PBX3: variants seen among roughly 807,000 people sequenced by gnomAD.
The protein encoded by PBX3 is PBX homeobox 3.
A neutral mutation model predicts 48.5 loss-of-function variants in PBX3; 14 were observed. The observed-to-expected ratio is 0.29, with a 90% CI of 0.19 to 0.45. The LOEUF is 0.45. PBX3 is among the 20% of genes least tolerant of loss of function. The probability of loss-of-function intolerance (pLI) is 1.00; values close to 1 mark genes in which losing one functional copy is unlikely to be tolerated. For synonymous variants in PBX3, 210 were observed against 200.3 expected (o/e 1.05, Z -0.41); for missense variants, 386 against 546.7 (o/e 0.71, Z 2.93).
At chr9:125,784,509 C>T (rs1191557986) in intron 2 of PBX3, among the ~76,000 whole-genome samples, 2 of 152,206 alleles carry the variant, frequency 1.3e-5, no homozygotes, top group Admixed American at 1.3e-4. Flanking sequence ...AGATTCTTCT[C>T]ATTCCTCAGA....
intron 2 of PBX3, among the ~76,000 whole-genome samples, chr9:125,813,682 G>A (rs1310330121): frequency 6.6e-6 from 1 of 152,086 alleles, no homozygotes; most frequent in Non-Finnish European, 1.5e-5. Context: ...ATGATAAGAT[G>A]TTCCCAGCTT....
intron 2 of PBX3, among the ~76,000 whole-genome samples, chr9:125,836,290 A>G (rs1465697793): frequency 6.6e-6 from 1 of 152,156 alleles, no homozygotes; most frequent in Non-Finnish European, 1.5e-5. Flanking sequence ...CTAAAAATAC[A>G]AAAAATTAGC....
intron 5 of PBX3, among the ~76,000 whole-genome samples, chr9:125,945,241 A>T (rs967721147): frequency 6.6e-6 from 1 of 151,914 alleles, no homozygotes; most frequent in Non-Finnish European, 1.5e-5. Flanking sequence ...AAAAAAAAAA[A>T]ATAGCATGTA....
chr9:125,753,316 A>G (rs1836425525), intron 2 of PBX3, among the ~76,000 whole-genome samples: 1 of 148,446 alleles, frequency 6.7e-6, no homozygotes. Context: ...TAGATTTGGT[A>G]TCTTACTGGA....
intron 2 of PBX3, 126 bp downstream of exon 2, chr9:125,748,749 C>A: frequency 1.5e-6 from 1 of 646,554 alleles, no homozygotes; most frequent in South Asian, 1.8e-5. Flanking sequence ...CTCTCCTTCC[C>A]ACGTCCTGAT....
intron 2 of PBX3, among the ~76,000 whole-genome samples, chr9:125,834,953 G>T (rs1360627937): frequency 8.8e-5 from 12 of 135,720 alleles, no homozygotes; most frequent in African/African-American, 2.5e-4. Flanking sequence ...GGAGGCAGAA[G>T]TTGCAGTGAG....
chr9:125,877,705 G>A (rs1840289014), intron 2 of PBX3, among the ~76,000 whole-genome samples: 2 of 152,062 alleles, frequency 1.3e-5, no homozygotes, highest in South Asian at 2.1e-4. Context: ...CCTGTCTTCA[G>A]TTCCACATTA....
At chr9:125,820,076 G>A (rs932520462) in intron 2 of PBX3, among the ~76,000 whole-genome samples, 4 of 152,160 alleles carry the variant, frequency 2.6e-5, no homozygotes, top group African/African-American at 9.7e-5. Context: ...GCATGAAAAC[G>A]TTTGCACTGC....
chr9:125,900,481 G>A (rs900495483), intron 2 of PBX3, among the ~76,000 whole-genome samples: 5 of 151,484 alleles, frequency 3.3e-5, no homozygotes, highest in Admixed American at 2.6e-4. Context: ...AAATCAGGCC[G>A]CAATATTCTA....
intron 2 of PBX3, among the ~76,000 whole-genome samples, chr9:125,802,037 AG>A (rs1476122427): frequency 2.0e-5 from 3 of 152,188 alleles, no homozygotes; most frequent in Admixed American, 1.3e-4. Flanking sequence ...CACCCAGCCT[AG>A]GTAACAAAAA....
chr9:125,869,983 C>T (rs1840077257), intron 2 of PBX3, among the ~76,000 whole-genome samples: 1 of 151,578 alleles, frequency 6.6e-6, no homozygotes, highest in Admixed American at 6.6e-5. Flanking sequence ...ACTCACAGTT[C>T]CACGTGTCTG....
At chr9:125,808,634 C>G (rs1838198639) in intron 2 of PBX3, among the ~76,000 whole-genome samples, 1 of 152,082 alleles carries the variant, frequency 6.6e-6, no homozygotes, top group Non-Finnish European at 1.5e-5. Context: ...CTACTGCACT[C>G]CAGCCTGAGC....
chr9:125,906,554 T>C lies in PBX3; in HGVS notation c.275-9132T>C, dbSNP rs527267629. On this transcript the variant is annotated intron_variant, in intron 2 of 8. Coordinates refer to ENST00000373489, the MANE Select transcript of PBX3 (RefSeq NM_006195.6). ...AAAGATAAGCATGAGATTAATTATCTGATAGGGGCAGGGTTCTTGCTCCCA... is the reference window on the plus strand; with the variant it reads ...AAAGATAAGCATGAGATTAATTATCCGATAGGGGCAGGGTTCTTGCTCCCA... 5.3e-5 allele frequency among the ~76,000 whole-genome samples: 8 copies of C among 152,146 alleles called. 1 individual carries two copies. Among genetic ancestry groups the C allele is most frequent in the African/African-American group, 1.9e-4 (8 of 41,538 alleles).
intron 2 of PBX3, among the ~76,000 whole-genome samples, chr9:125,810,990 T>A (rs1486559541): frequency 6.6e-6 from 1 of 152,192 alleles, no homozygotes; most frequent in Non-Finnish European, 1.5e-5. Context: ...CTCCTGGGGA[T>A]CCTGTAAGCT....
At chr9:125,907,464 A>G (rs929504165) in intron 2 of PBX3, among the ~76,000 whole-genome samples, 42 of 152,084 alleles carry the variant, frequency 2.8e-4, no homozygotes, top group Non-Finnish European at 4.3e-4. Flanking sequence ...TTAATTAAAA[A>G]AAGACTTTAA....
chr9:125,839,481 T>C (rs902423552), intron 2 of PBX3, among the ~76,000 whole-genome samples: 3 of 152,184 alleles, frequency 2.0e-5, no homozygotes, highest in African/African-American at 7.2e-5. Context: ...GAAATAACCC[T>C]ATAACAGAAA....
chr9:125,803,254 AT>A (rs1245459380), intron 2 of PBX3, among the ~76,000 whole-genome samples: 1 of 151,510 alleles, frequency 6.6e-6, no homozygotes, highest in Non-Finnish European at 1.5e-5. Flanking sequence ...TGCCTGGCTA[AT>A]TTTTGTATTT....
chr9:125,959,101 C>T (rs1842371331), intron 5 of PBX3, among the ~76,000 whole-genome samples: 1 of 152,220 alleles, frequency 6.6e-6, no homozygotes, highest in African/African-American at 2.4e-5. Flanking sequence ...TCCCATCTAC[C>T]ACCTAGCCCT....
intron 5 of PBX3, among the ~76,000 whole-genome samples, chr9:125,940,970 TA>T (rs1841947742): frequency 6.6e-6 from 1 of 152,170 alleles, no homozygotes; most frequent in Non-Finnish European, 1.5e-5. Flanking sequence ...TTTATTTGAC[TA>T]AAAAGTTTAC....
Sources: allele counts gnomAD v4.1 joint callset (sites outside exome capture counted in the v4.1 genomes callset), GRCh38; gene constraint gnomAD v4.1.1; transcripts MANE v1.5; gene names NCBI Gene and HGNC (gene_info 2026-07-23, HGNC 2026-07-21).